MPRIP: variants seen among roughly 807,000 people sequenced by gnomAD.
MPRIP encodes myosin phosphatase Rho-interacting protein.
A neutral mutation model predicts 234.9 loss-of-function variants in MPRIP; 59 were observed. That is an observed-to-expected ratio of 0.25 (90% CI 0.20 to 0.31). The LOEUF (loss-of-function observed/expected upper bound fraction) is 0.31, where lower values mean the gene tolerates loss of function less well. MPRIP is among the 10% of genes least tolerant of loss of function. MPRIP has a pLI of 1.00. For synonymous variants in MPRIP, 1,144 were observed against 1,263.9 expected (o/e 0.91, Z 2.01); for missense variants, 2,436 against 3,071.0 (o/e 0.79, Z 4.89).
intron 3 of MPRIP, among the ~76,000 whole-genome samples, chr17:17,107,968 C>T (rs955958628): frequency 3.9e-5 from 6 of 152,182 alleles, no homozygotes; most frequent in African/African-American, 7.2e-5. Context: ...GGGGCCTGCC[C>T]GGAGCCCTGG....
Position 17,170,605 on chromosome 17 carries a change from A to C in MPRIP, c.6325-1113A>C, listed in dbSNP as rs16961393. On this transcript the variant is annotated intron_variant, in intron 16 of 23. Transcript: ENST00000651222. Reference sequence around the variant, plus strand: ...TCTTGGTATCCTTTCTTGAATCCACATGCAAGAAGATTAACCAAGTGGTGC... The same window carrying C: ...TCTTGGTATCCTTTCTTGAATCCACCTGCAAGAAGATTAACCAAGTGGTGC... Among the ~76,000 whole-genome samples, 977 of 152,348 alleles carry C rather than the reference A, an allele frequency of 6.4e-3. 14 individuals carry two copies. The highest frequency in any genetic ancestry group is 0.023 in the African/African-American group (948 of 41,570).
At position 17,158,818 on chromosome 17, in the gene MPRIP, G is replaced by A. The variant is rs751911149; in HGVS notation, c.2216G>A (p.Gly739Glu). The A allele has an allele frequency of 6.2e-7, 1 of 1,611,672 alleles. No homozygotes were observed. The highest frequency in any genetic ancestry group is 1.1e-5 in the South Asian group (1 of 91,036). The change falls in exon 14 of 24, where the codon GGG (glycine) becomes GAG (glutamate). Residue 739 changes from glycine (G) to glutamate (E), a missense_variant. By Grantham distance (98) the Gly-to-Glu change is moderately conservative. Coordinates refer to ENST00000651222, the MANE Select transcript of MPRIP (RefSeq NM_001364716.4). Reference protein sequence around the residue: ...ALRMEVDRSPGLPMSDLKTHN... With the variant: ...ALRMEVDRSPELPMSDLKTHN... ...CGCATGGAGGTGGACCGGAGCCCAGGGCTGCCTATGAGCGACCTCAAAACG... is the reference window on the plus strand; with the variant it reads ...CGCATGGAGGTGGACCGGAGCCCAGAGCTGCCTATGAGCGACCTCAAAACG...
At chr17:17,133,434 C>T (rs1395329606) in intron 5 of MPRIP, among the ~76,000 whole-genome samples, 1 of 152,148 alleles carries the variant, frequency 6.6e-6, no homozygotes, top group Non-Finnish European at 1.5e-5. Flanking sequence ...TTTGGTCAGG[C>T]CTCCCCTCTG....
Position 17,167,743 on chromosome 17 carries a change from C to A in MPRIP, c.6152C>A (p.Pro2051His), listed in dbSNP as rs765381601. The change falls in exon 16 of 24, where the codon CCC (proline) becomes CAC (histidine). Residue 2051 changes from proline (P) to histidine (H), a missense_variant. Pro to His is a moderately conservative substitution (Grantham distance 77). Transcript: ENST00000651222. This position sits in a 1 kb window ranked among gnomAD's most constrained non-coding sequence, Gnocchi z 5.9. ...CCCAAGGCCCTGCCAGCCCCTGCCC[C>A]CAACTGGCAGGCCACCCAGGGAGAG... ...PHPKALPAPAPNWQATQGEAD... is the reference protein window; with the variant it reads ...PHPKALPAPAHNWQATQGEAD... 8 of 1,304,238 alleles carry A rather than the reference C, an allele frequency of 6.1e-6. No homozygotes were observed. The South Asian group carries it at 9.9e-5, about 16-fold the overall frequency. The allele number at this position is 1,304,238 out of a possible 1,614,324, so 80.8% of individuals were successfully genotyped here. A position where few individuals can be genotyped will look rare whatever the true frequency, so the allele number is the denominator to read the frequency against.
At chr17:17,149,527 A>G (rs1217040961) in intron 11 of MPRIP, among the ~76,000 whole-genome samples, 1 of 152,036 alleles carries the variant, frequency 6.6e-6, no homozygotes, top group Non-Finnish European at 1.5e-5. Context: ...GAACAGATGG[A>G]ATGCAGAAAC....
chr17:17,115,458 G>A (rs557082797), intron 3 of MPRIP, among the ~76,000 whole-genome samples: 18 of 152,332 alleles, frequency 1.2e-4, no homozygotes, highest in South Asian at 6.2e-4. Context: ...GCTCTTTCTC[G>A]TGATGGAGCC....
At chr17:17,180,517 C>A in intron 23 of MPRIP, 1 of 1,176,668 alleles carries the variant, frequency 8.5e-7, no homozygotes, top group Non-Finnish European at 1.3e-6. Context: ...CCAGAGCCAG[C>A]CATGCACAGG....
At chr17:17,096,727 G>GGCCTCAGA (rs1176152819) in intron 3 of MPRIP, 2 of 470,732 alleles carry the variant, frequency 4.2e-6, no homozygotes, top group African/African-American at 4.0e-5. Context: ...CCTTACCCAG[G>GGCCTCAGA]GCCTCAGAGC....
chr17:17,159,788 A>G (rs1390706370), intron 14 of MPRIP, among the ~76,000 whole-genome samples: 1 of 152,208 alleles, frequency 6.6e-6, no homozygotes, highest in Non-Finnish European at 1.5e-5. Context: ...AGTTTTCAAC[A>G]CTGTGTTTCA....
chr17:17,180,282 C>G lies in MPRIP; in HGVS notation c.7206+194C>G, dbSNP rs946312788. 6.6e-6 allele frequency: 4 copies of G among 607,580 alleles called. No individual in the cohort carries two copies. In the African/African-American group the frequency reaches 7.4e-5, roughly 11 times the overall value. 37.6% of individuals were successfully genotyped at this position (607,580 alleles called of 1,614,324 possible). Reference sequence around the variant, plus strand: ...TCTGTGTCTGTCTTGGAGCCACCTCCTGGCAATGACACTGACAGGCCAGGG... The same window carrying G: ...TCTGTGTCTGTCTTGGAGCCACCTCGTGGCAATGACACTGACAGGCCAGGG... On this transcript the variant is annotated intron_variant, in intron 23 of 23. Transcript: ENST00000651222.
chr17:17,077,936 G>A (rs1200842239), intron 2 of MPRIP, 75 bp from the exon 3 acceptor site: 5 of 1,450,014 alleles, frequency 3.4e-6, no homozygotes, highest in Non-Finnish European at 4.8e-6. Context: ...CTTGTCAGAC[G>A]TGGGAACTCC....
At chr17:17,169,460 T>C (rs1335569576) in intron 16 of MPRIP, among the ~76,000 whole-genome samples, 2 of 152,122 alleles carry the variant, frequency 1.3e-5, no homozygotes, top group African/African-American at 4.8e-5. Flanking sequence ...ATACCAACAG[T>C]GAGCAAGAAA....
chr17:17,143,597 C>G lies in MPRIP; in HGVS notation c.1431C>G (p.Ala477=). ...CCCCCCCAGCTCCTCTCCCAGACGC[C>G]TCGGCTTCCCCCCTGTCTCCACACC... ...NEAPPAPLPD[A]SASPLSPHRR... Residue 477 remains alanine, a synonymous_variant, in exon 9 of 24, where the codon GCC becomes GCG. Transcript: ENST00000651222. 1 of 1,605,136 alleles carries G rather than the reference C, an allele frequency of 6.2e-7. No homozygotes were observed. Among genetic ancestry groups the G allele is most frequent in the Non-Finnish European group, 8.5e-7 (1 of 1,176,158 alleles).
At chr17:17,069,575 T>C (rs1341341927) in intron 1 of MPRIP, among the ~76,000 whole-genome samples, 3 of 152,100 alleles carry the variant, frequency 2.0e-5, no homozygotes, top group African/African-American at 7.2e-5. Flanking sequence ...TTTTTAAGTG[T>C]ATCTCTTTGT....
rs80345187 is a variant in MPRIP, at chr17:17,170,395, G to A, written c.6325-1323G>A. Among the ~76,000 whole-genome samples the A allele has an allele frequency of 8.2e-3, 1,253 of 152,200 alleles. 24 individuals carry two copies. The highest frequency in any genetic ancestry group is 0.028 in the African/African-American group (1,172 of 41,522). ...GAGACAGATGCTTCCAGGTGGAGCCGCTGGGAGAGGGGATGGGACGCCTAG... is the reference window on the plus strand; with the variant it reads ...GAGACAGATGCTTCCAGGTGGAGCCACTGGGAGAGGGGATGGGACGCCTAG... On this transcript the variant is annotated intron_variant, in intron 16 of 23. Transcript: ENST00000651222.
intron 1 of MPRIP, among the ~76,000 whole-genome samples, chr17:17,055,927 G>A (rs912144849): frequency 6.6e-6 from 1 of 152,232 alleles, no homozygotes; most frequent in Non-Finnish European, 1.5e-5. Context: ...CTCAGAAGGC[G>A]GAGTTAAGAG....
chr17:17,066,712 A>G (rs571522051), intron 1 of MPRIP, among the ~76,000 whole-genome samples: 1 of 100,948 alleles, frequency 9.9e-6, no homozygotes. Context: ...ACCCACAGAT[A>G]CTTTTTTCAT....
At chr17:17,150,279 A>ATCCC in intron 12 of MPRIP, 46 bp downstream of exon 12, 18 of 1,416,962 alleles carry the variant, frequency 1.3e-5, no homozygotes, top group Non-Finnish European at 1.7e-5. Context: ...ACAGGCAGGG[A>ATCCC]TGCATGTCAG....
chr17:17,063,967 A>G (rs118106233), intron 1 of MPRIP, among the ~76,000 whole-genome samples: 4,109 of 152,268 alleles, frequency 0.027, 108 homozygotes, highest in East Asian at 0.12. Flanking sequence ...CCTGGCATGC[A>G]TCCCAGATTT....
Sources: gnomAD v4.1 joint callset for allele counts (sites outside exome capture counted in the v4.1 genomes callset) on GRCh38, gnomAD v4.1.1 for gene constraint, Gnocchi (gnomAD v3.1) non-coding constraint, MANE v1.5 for transcripts, NCBI Gene and HGNC (gene_info 2026-07-23, HGNC 2026-07-21) for gene names.